The following RAB11FIP3 variants were observed in gnomAD, a reference collection of about 807,000 sequenced individuals.
The protein encoded by RAB11FIP3 is RAB11 family interacting protein 3, also known as rab11 family-interacting protein 3.
Under a neutral mutation model 77.8 loss-of-function variants are expected in RAB11FIP3, and 17 were observed. That is an observed-to-expected ratio of 0.22 (90% confidence interval 0.15 to 0.33). The LOEUF is 0.33. Ranked by LOEUF, RAB11FIP3 falls within the 10% of genes least tolerant of loss-of-function variation. The pLI, the probability that RAB11FIP3 is intolerant of heterozygous loss-of-function variation, is 1.00. For missense variants in RAB11FIP3, 1,005 were observed against 1,011.2 expected, an observed-to-expected ratio of 0.99 and a Z score of 0.08; for synonymous variants, 437 against 448.2, an observed-to-expected ratio of 0.98 and a Z score of 0.31.
Position 461,284 on chromosome 16 carries a change from C to T in RAB11FIP3, c.715-120C>T. 1.5e-6 allele frequency: 1 copy of T among 673,896 alleles called. No individual in the cohort carries two copies. The highest frequency in any genetic ancestry group is 2.5e-6 in the Non-Finnish European group (1 of 396,866). 41.7% of individuals were successfully genotyped at this position (673,896 alleles called of 1,614,324 possible). A position where few individuals can be genotyped will look rare whatever the true frequency, so the allele number is the denominator to read the frequency against. On this transcript the variant is annotated intron_variant, in intron 1 of 13. Coordinates refer to ENST00000262305, the MANE Select transcript of RAB11FIP3 (RefSeq NM_014700.4). The surrounding 1 kb of genome is among the most constrained non-coding windows in gnomAD (Gnocchi z 4.5). The stretch of plus-strand genomic sequence containing the variant: ...CTCAGGCGGTAATGCTCCCTCACCT[C>T]CTGCTGTGCTTCCCCGTTCCCAGCA...
intron 8 of RAB11FIP3, among the ~76,000 whole-genome samples, chr16:508,825 CTT>C (rs1448065135): frequency 1.3e-5 from 2 of 152,208 alleles, no homozygotes; most frequent in East Asian, 3.9e-4. Flanking sequence ...CTTTTTTAAA[CTT>C]TCCTCGTCTC....
At chr16:459,268 A>G (rs1243614373) in intron 1 of RAB11FIP3, among the ~76,000 whole-genome samples, 1 of 151,268 alleles carries the variant, frequency 6.6e-6, no homozygotes, top group Non-Finnish European at 1.5e-5. Context: ...CTGGGGTTAC[A>G]GGTTCCCACC....
At position 426,249 on chromosome 16, in the gene RAB11FIP3, C is replaced by A; in HGVS notation, c.243C>A (p.Gly81=). ...GGCCGGCCCCGGGGCTGGAGGGAGG[C>A]CCGCGAGACCCCGGGCCGTCCGCCC... ...SAGPAPGLEG[G]PRDPGPSAPP... Residue 81 remains glycine, a synonymous_variant, in exon 1 of 14, where the codon GGC becomes GGA. Transcript: ENST00000262305. The surrounding 1 kb of genome is among the most constrained non-coding windows in gnomAD (Gnocchi z 5.0). The A allele has an allele frequency of 8.9e-7, 1 of 1,120,676 alleles. No individual in the cohort carries two copies. Among genetic ancestry groups the A allele is most frequent in the Middle Eastern group, 3.8e-4 (1 of 2,626 alleles). The allele number at this position is 1,120,676 out of a possible 1,614,324, so 69.4% of individuals were successfully genotyped here. A position where few individuals can be genotyped will look rare whatever the true frequency, so the allele number is the denominator to read the frequency against.
In RAB11FIP3 at chr16:439,965, T is replaced by C. The variant is rs1053257231; in HGVS notation, c.714+13245T>C. ...TTCAAGCAATTCTCCTGCCTCAGCC[T>C]CCTGAGTAGCTGGGACTACAGGTGC... On this transcript the variant is annotated intron_variant, in intron 1 of 13. Transcript: ENST00000262305. 2.3e-4 allele frequency among the ~76,000 whole-genome samples: 35 copies of C among 151,940 alleles called. 1 individual carries two copies. Among genetic ancestry groups the C allele is most frequent in the Non-Finnish European group, 2.2e-4 (15 of 67,988 alleles).
intron 1 of RAB11FIP3, among the ~76,000 whole-genome samples, chr16:435,251 A>T (rs1024879562): frequency 3.3e-5 from 5 of 151,748 alleles, no homozygotes; most frequent in African/African-American, 9.7e-5. Flanking sequence ...CCAGTTTAGG[A>T]TCTAACATAC....
At position 440,348 on chromosome 16, in the gene RAB11FIP3, C is replaced by T. The variant is rs529068649; in HGVS notation, c.714+13628C>T. 4.6e-5 allele frequency among the ~76,000 whole-genome samples: 7 copies of T among 151,936 alleles called. No homozygotes were observed. The East Asian group carries it at 1.2e-3, about 25-fold the overall frequency. On this transcript the variant is annotated intron_variant, in intron 1 of 13. Transcript: ENST00000262305. ...GTTTCGCCATGTTTCCCAGGTTGTTCTCCAACTCCTGAGCTCAAGTGATCC... is the reference window on the plus strand; with the variant it reads ...GTTTCGCCATGTTTCCCAGGTTGTTTTCCAACTCCTGAGCTCAAGTGATCC...
chr16:496,166 C>T (rs896864327), intron 5 of RAB11FIP3, among the ~76,000 whole-genome samples: 1 of 152,178 alleles, frequency 6.6e-6, no homozygotes. Flanking sequence ...TTCCCAGGCC[C>T]CAGGGGTGAG....
chr16:454,883 C>G (rs1313556787), intron 1 of RAB11FIP3, among the ~76,000 whole-genome samples: 2 of 151,812 alleles, frequency 1.3e-5, no homozygotes, highest in Non-Finnish European at 2.9e-5. Flanking sequence ...AACGACGTCT[C>G]TACTAAAAAT....
At chr16:496,093 G>C (rs1488552931) in intron 5 of RAB11FIP3, among the ~76,000 whole-genome samples, 3 of 152,158 alleles carry the variant, frequency 2.0e-5, no homozygotes, top group Non-Finnish European at 4.4e-5. Flanking sequence ...GAAAATCAGA[G>C]GTGTTTTTGA....
At chr16:503,229 C>A (rs957780490) in intron 7 of RAB11FIP3, 132 bp downstream of exon 7, 11 of 655,048 alleles carry the variant, frequency 1.7e-5, no homozygotes, top group Non-Finnish European at 2.8e-5. Context: ...CAGGGCTCCC[C>A]AGACTGTCCA....
rs754682457 is a variant in RAB11FIP3 at position 520,244 on chromosome 16, C to T, written c.1983C>T (p.Ser661=). 38 of 1,546,008 alleles carry T rather than the reference C, an allele frequency of 2.5e-5. No individual in the cohort carries two copies. In the Admixed American group the frequency reaches 5.9e-4, roughly 24 times the overall value. The part of the protein sequence containing the change: ...LQEYHSRARE[S]ELEQEVRRLK... ...AGTACCACAGCCGCGCCCGGGAGAG[C>T]GAGCTGGAGCAGGAGGTCCGCAGGC... Residue 661 remains serine (S), a synonymous_variant, in exon 12 of 14, where the codon AGC becomes AGT. Coordinates refer to ENST00000262305, the MANE Select transcript of RAB11FIP3 (RefSeq NM_014700.4).
chr16:488,574 G>A (rs961925410), intron 4 of RAB11FIP3, among the ~76,000 whole-genome samples: 27 of 151,890 alleles, frequency 1.8e-4, no homozygotes, highest in African/African-American at 6.5e-4. Flanking sequence ...ATGCCTGGGT[G>A]ATTTAAAAAT....
intron 1 of RAB11FIP3, among the ~76,000 whole-genome samples, chr16:433,025 TATC>T (rs2055063919): frequency 8.9e-6 from 1 of 112,576 alleles, no homozygotes; most frequent in Non-Finnish European, 1.8e-5. Flanking sequence ...CCTCCATATT[TATC>T]TTTTTTTTTT....
intron 4 of RAB11FIP3, among the ~76,000 whole-genome samples, chr16:487,575 C>A (rs2056182577): frequency 6.6e-6 from 1 of 152,206 alleles, no homozygotes; most frequent in Non-Finnish European, 1.5e-5. Flanking sequence ...CCTCCTGACT[C>A]TGCCCCCTTC....
chr16:444,108 A>G (rs1352195086), intron 1 of RAB11FIP3, among the ~76,000 whole-genome samples: 3 of 152,110 alleles, frequency 2.0e-5, no homozygotes, highest in East Asian at 3.9e-4. Flanking sequence ...CAACCTGTGC[A>G]TGGAGGTTGG....
intron 5 of RAB11FIP3, among the ~76,000 whole-genome samples, chr16:492,413 G>GTCCGT (rs1567392092): frequency 7.0e-6 from 1 of 142,908 alleles, no homozygotes; most frequent in African/African-American, 2.6e-5. Flanking sequence ...ACCCGAGGCC[G>GTCCGT]CCCAGGGCCC....
chr16:426,508 A>C lies in RAB11FIP3; in HGVS notation c.502A>C (p.Thr168Pro). Reference sequence around the variant, plus strand: ...CGTCTTCTCTCCCTTCCCCGCGCCCACGGCGGGCGAGCTGGCGCTGGAGCA... The same window carrying C: ...CGTCTTCTCTCCCTTCCCCGCGCCCCCGGCGGGCGAGCTGGCGCTGGAGCA... ...VDVFSPFPAP[T>P]AGELALEQGP... The change falls in exon 1 of 14, where the codon ACG becomes CCG. Residue 168 changes from threonine (T) to proline (P), a missense_variant. This residue lies in a region of RAB11FIP3 where 466 missense variants were observed against 408.3 expected (regional missense o/e 1.14). Transcript: ENST00000262305. This position sits in a 1 kb window ranked among gnomAD's most constrained non-coding sequence, Gnocchi z 5.0. 8 of 1,556,786 alleles carry C rather than the reference A, an allele frequency of 5.1e-6. No homozygotes were observed. Among genetic ancestry groups the C allele is most frequent in the Non-Finnish European group, 6.9e-6 (8 of 1,151,978 alleles).
chr16:428,804 C>G (rs1362231533), intron 1 of RAB11FIP3, among the ~76,000 whole-genome samples: 1 of 152,100 alleles, frequency 6.6e-6, no homozygotes. Flanking sequence ...CCTTAATGAT[C>G]ACAATGGGAA....
chr16:502,948 G>A lies in RAB11FIP3; in HGVS notation c.1302-56G>A, dbSNP rs2031611311. 3.6e-6 allele frequency: 5 copies of A among 1,374,748 alleles called. No homozygotes were observed. The Admixed American group carries it at 8.4e-5, about 23-fold the overall frequency. The allele number at this position is 1,374,748 out of a possible 1,614,324, so 85.2% of individuals were successfully genotyped here. On this transcript the variant is annotated intron_variant, in intron 6 of 13. Transcript: ENST00000262305. ...TGACTTGGGAGTGCTTGTGCTGACG[G>A]AGCATGTCCTGTGGTTTTTCCCTTT...
Sources: gnomAD v4.1 joint callset for allele counts (sites outside exome capture counted in the v4.1 genomes callset) on GRCh38, gnomAD v4.1.1 for gene constraint, gnomAD v4.1.1 regional missense constraint, Gnocchi (gnomAD v3.1) non-coding constraint, MANE v1.5 for transcripts, NCBI Gene and HGNC (gene_info 2026-07-23, HGNC 2026-07-21) for gene names.